Variants in PINX1 observed in about 807,000 individuals in gnomAD.
The protein encoded by PINX1 is PIN2 (TERF1) interacting telomerase inhibitor 1.
In PINX1, 34 loss-of-function variants were observed where a neutral mutation model predicts 25.4. That is an observed-to-expected ratio of 1.34 (90% confidence interval 1.02 to 1.78). The LOEUF is 1.78. PINX1 is among the 40% of genes most tolerant of loss of function. PINX1 has a pLI of 0.00. For missense variants in PINX1, 592 were observed against 404.9 expected, an observed-to-expected ratio of 1.46 and a Z score of -3.97; for synonymous variants, 197 against 147.7, an observed-to-expected ratio of 1.33 and a Z score of -2.42.
intron 6 of PINX1, among the ~76,000 whole-genome samples, chr8:10,769,309 G>C (rs761792542): frequency 6.6e-6 from 1 of 152,198 alleles, no homozygotes; most frequent in Non-Finnish European, 1.5e-5. Flanking sequence ...GACTGGCCTA[G>C]TCTGTTCACA....
intron 6 of PINX1, among the ~76,000 whole-genome samples, chr8:10,783,316 A>C (rs550491835): frequency 9.8e-5 from 15 of 152,314 alleles, no homozygotes; most frequent in African/African-American, 3.6e-4. Flanking sequence ...TGGATGAAAT[A>C]GTGATTTCTG....
chr8:10,784,464 C>G (rs995931355), intron 6 of PINX1, among the ~76,000 whole-genome samples: 1 of 152,142 alleles, frequency 6.6e-6, no homozygotes, highest in African/African-American at 2.4e-5. Context: ...TGCACTGATT[C>G]CCAAAGTCTA....
At chr8:10,808,596 C>G (rs1030583800) in intron 6 of PINX1, among the ~76,000 whole-genome samples, 1 of 152,144 alleles carries the variant, frequency 6.6e-6, no homozygotes, top group African/African-American at 2.4e-5. Flanking sequence ...AATTAAAGTA[C>G]AGAGAGGTTA....
At chr8:10,786,229 C>G (rs1801743335) in intron 6 of PINX1, among the ~76,000 whole-genome samples, 1 of 152,224 alleles carries the variant, frequency 6.6e-6, no homozygotes, top group Non-Finnish European at 1.5e-5. Flanking sequence ...TTTCTTGGGA[C>G]TGACAAACCT....
intron 6 of PINX1, among the ~76,000 whole-genome samples, chr8:10,800,754 G>C (rs901240797): frequency 7.9e-5 from 12 of 152,326 alleles, no homozygotes; most frequent in African/African-American, 2.9e-4. Context: ...ACCGGCCTAA[G>C]TCACTACGCC....
At chr8:10,838,355 A>G (rs1034511870) in intron 1 of PINX1, among the ~76,000 whole-genome samples, 1 of 152,270 alleles carries the variant, frequency 6.6e-6, no homozygotes, top group African/African-American at 2.4e-5. Context: ...AACGTTGGGA[A>G]GAGGAGAACT....
At chr8:10,782,419 A>AT (rs1354428478) in intron 6 of PINX1, among the ~76,000 whole-genome samples, 4 of 94,388 alleles carry the variant, frequency 4.2e-5, no homozygotes, top group African/African-American at 2.2e-4. Flanking sequence ...AATATACTCG[A>AT]TAAAAAAAAA....
chr8:10,786,179 C>G (rs1801741840), intron 6 of PINX1, among the ~76,000 whole-genome samples: 1 of 152,272 alleles, frequency 6.6e-6, no homozygotes. Flanking sequence ...TGTTCACTTC[C>G]TTGCCAATAT....
intron 1 of PINX1, among the ~76,000 whole-genome samples, chr8:10,837,783 G>A (rs1373886832): frequency 1.3e-5 from 2 of 152,198 alleles, no homozygotes; most frequent in African/African-American, 4.8e-5. Flanking sequence ...TGAGTCCCAA[G>A]AGCCAGAGGC....
intron 5 of PINX1, among the ~76,000 whole-genome samples, chr8:10,821,596 T>C (rs962986884): frequency 2.6e-5 from 4 of 152,050 alleles, no homozygotes; most frequent in South Asian, 2.1e-4. Flanking sequence ...CGGCAGAAAA[T>C]GAACCGGGAA....
chr8:10,828,076 G>A (rs10109550), intron 4 of PINX1, among the ~76,000 whole-genome samples: 1 of 151,892 alleles, frequency 6.6e-6, no homozygotes, highest in Non-Finnish European at 1.5e-5. Context: ...TTATTTCAAA[G>A]GTATAGTTCC....
chr8:10,826,328 A>G, intron 4 of PINX1, 84 bp from the exon 5 acceptor site: 1 of 669,902 alleles, frequency 1.5e-6, no homozygotes, highest in East Asian at 2.8e-5. Flanking sequence ...TCTTGAAAGA[A>G]AATTTTAGGA....
intron 5 of PINX1, among the ~76,000 whole-genome samples, chr8:10,825,800 A>C (rs1798019820): frequency 1.3e-5 from 2 of 152,248 alleles, no homozygotes; most frequent in Admixed American, 6.5e-5. Flanking sequence ...GTGAAAAAAC[A>C]CCATGCAGCT....
rs776624604 is a variant in PINX1, at chr8:10,839,703, C to T, written c.19+35G>A. 8.2e-6 allele frequency: 13 copies of T among 1,593,644 alleles called. No homozygotes were observed. The Admixed American group carries it at 1.4e-4, about 17-fold the overall frequency. On this transcript the variant is annotated intron_variant, in intron 1 of 6. Coordinates refer to ENST00000314787, the MANE Select transcript of PINX1 (RefSeq NM_017884.6). ...GCGCGTCACCCGGCATCTTCACCAA[C>T]GCGCCTGGGTCGGGCCTCCGCTTCC...
chr8:10,833,032 TCAG>T (rs758707396), intron 2 of PINX1, 48 bp from the exon 3 acceptor site: 1 of 1,208,686 alleles, frequency 8.3e-7, no homozygotes. Context: ...TCACTGATAC[TCAG>T]AAGCAGAGCA....
In PINX1 at chr8:10,765,565, G is replaced by A. The variant is rs1801006746; in HGVS notation, c.823C>T (p.Gln275Ter). Residue 275 changes from glutamine (Q) to a stop codon, truncating the protein, a stop_gained, in exon 7 of 7, where the codon CAG becomes TAG. Coordinates refer to ENST00000314787, the MANE Select transcript of PINX1 (RefSeq NM_017884.6). LOFTEE classifies it low-confidence loss of function (END_TRUNC). The part of the protein sequence containing the change: ...CWDQSSKASA[Q>*]DAGDHVQPPE... ...GGCTGCACATGGTCCCCTGCATCCT[G>A]AGCAGAGGCCTTGGAACTCTGGTCC... The A allele has an allele frequency of 6.2e-7, 1 of 1,613,588 alleles. No homozygotes were observed. Among genetic ancestry groups the A allele is most frequent in the African/African-American group, 1.3e-5 (1 of 74,938 alleles).
At chr8:10,830,953 C>A (rs374255497) in intron 4 of PINX1, among the ~76,000 whole-genome samples, 3 of 152,116 alleles carry the variant, frequency 2.0e-5, no homozygotes, top group East Asian at 3.9e-4. Context: ...CAGGCATTAC[C>A]CAAAGGAAAG....
intron 6 of PINX1, among the ~76,000 whole-genome samples, chr8:10,807,977 T>C (rs1802508472): frequency 6.6e-6 from 1 of 152,200 alleles, no homozygotes; most frequent in African/African-American, 2.4e-5. Flanking sequence ...CTGAAAGTTT[T>C]ATATTAAGAG....
chr8:10,830,487 T>C (rs771431922), intron 4 of PINX1, among the ~76,000 whole-genome samples: 7 of 152,234 alleles, frequency 4.6e-5, no homozygotes, highest in Non-Finnish European at 1.0e-4. Flanking sequence ...CACAGCTCAA[T>C]AAATGTTTGC....
Sources: allele counts gnomAD v4.1 joint callset (sites outside exome capture counted in the v4.1 genomes callset), GRCh38; gene constraint gnomAD v4.1.1; transcripts MANE v1.5; gene names NCBI Gene and HGNC (gene_info 2026-07-23, HGNC 2026-07-21).